STK36: variants seen among roughly 807,000 people sequenced by gnomAD.
STK36 encodes serine/threonine kinase 36.
STK36 carries 116 observed loss-of-function variants against 142.2 expected under a neutral mutation model. The ratio of observed to expected loss-of-function variants is 0.82; its 90% CI spans 0.70 to 0.95. The LOEUF (loss-of-function observed/expected upper bound fraction) is 0.95. STK36 is among the 40% of genes least tolerant of loss of function. STK36 has a pLI of 0.00. For missense variants in STK36, 1,422 were observed against 1,617.2 expected (o/e 0.88, Z 2.07); for synonymous variants, 619 against 641.7 (o/e 0.96, Z 0.53).
intron 12 of STK36, 59 bp from the exon 13 acceptor site, chr2:218,689,800 T>C: frequency 6.7e-7 from 1 of 1,502,124 alleles, no homozygotes; most frequent in East Asian, 2.4e-5. Flanking sequence ...TACTGTTTTT[T>C]CTATTCTTTG....
chr2:218,693,178 T>TA, intron 16 of STK36, 62 bp from the exon 17 acceptor site: 1 of 1,400,168 alleles, frequency 7.1e-7, no homozygotes, highest in Non-Finnish European at 1.0e-6. Flanking sequence ...ATTTTGGACA[T>TA]ATGTGAGGAA....
At chr2:218,682,908 G>GTTATGCCTCCTTAGTCTCCTTTAATC (rs1468492262) in intron 10 of STK36, among the ~76,000 whole-genome samples, 2 of 152,056 alleles carry the variant, frequency 1.3e-5, no homozygotes, top group Non-Finnish European at 2.9e-5. Context: ...GCATTTAGTT[G>GTTATGCCTCCTTAGTCTCCTTTAATC]TTATGCCTCC....
At position 218,699,046 on chromosome 2, in the gene STK36, G is replaced by C; in HGVS notation, c.3502G>C (p.Val1168Leu). ...LLGLGDKDPV[V>L]RCSASFAVGN... Reference sequence around the variant, plus strand: ...TGGGCTTGGAGACAAGGATCCTGTTGTGCGGTGCAGTGCCAGCTTTGCTGT... The same window carrying C: ...TGGGCTTGGAGACAAGGATCCTGTTCTGCGGTGCAGTGCCAGCTTTGCTGT... The change falls in exon 26 of 27, where the codon GTG becomes CTG. Residue 1168 changes from valine to leucine, a missense_variant. By Grantham distance (32) the Val-to-Leu change is conservative. Coordinates refer to ENST00000295709, the MANE Select transcript of STK36 (RefSeq NM_015690.5). The C allele has an allele frequency of 6.2e-7, 1 of 1,614,174 alleles. No homozygotes were observed. Among genetic ancestry groups the C allele is most frequent in the African/African-American group, 1.3e-5 (1 of 75,056 alleles).
At chr2:218,679,851 A>G in intron 8 of STK36, 42 bp from the exon 9 acceptor site, 1 of 1,606,438 alleles carries the variant, frequency 6.2e-7, no homozygotes, top group East Asian at 2.2e-5. Flanking sequence ...TCCTATAGCA[A>G]TCAAATAGCT....
rs371409058 is a variant in STK36 at position 218,699,050 on chromosome 2, G to C, written c.3506G>C (p.Arg1169Pro). The change falls in exon 26 of 27, where the codon CGG (arginine) becomes CCG (proline). Residue 1169 changes from arginine (R) to proline (P), a missense_variant. By Grantham distance (103) the Arg-to-Pro change is moderately radical. Transcript: ENST00000295709. ...CTTGGAGACAAGGATCCTGTTGTGC[G>C]GTGCAGTGCCAGCTTTGCTGTGGGC... ...LGLGDKDPVV[R>P]CSASFAVGNA... 8 of 1,613,966 alleles carry C rather than the reference G, an allele frequency of 5.0e-6. No homozygotes were observed. Among genetic ancestry groups the C allele is most frequent in the South Asian group, 2.2e-5 (2 of 91,080 alleles).
chr2:218,677,112 T>C (rs921541696), intron 6 of STK36, among the ~76,000 whole-genome samples: 3 of 152,136 alleles, frequency 2.0e-5, no homozygotes, highest in African/African-American at 7.2e-5. Context: ...TTTGTATTTT[T>C]AGTAGAGATG....
chr2:218,674,511 C>G (rs925485744), intron 4 of STK36, among the ~76,000 whole-genome samples: 2 of 152,192 alleles, frequency 1.3e-5, no homozygotes, highest in African/African-American at 2.4e-5. Context: ...AAGTAGGCCC[C>G]CCCTGGGATT....
intron 12 of STK36, 135 bp downstream of exon 12, chr2:218,689,011 T>G: frequency 2.1e-6 from 2 of 938,618 alleles, no homozygotes; most frequent in South Asian, 3.7e-5. Context: ...AGTAGACTAT[T>G]AATTGCAAAC....
At chr2:218,674,969 T>C (rs1940168008) in intron 4 of STK36, among the ~76,000 whole-genome samples, 1 of 152,240 alleles carries the variant, frequency 6.6e-6, no homozygotes, top group South Asian at 2.1e-4. Context: ...TTTTGTCTTA[T>C]TTAATAACAG....
At position 218,672,774 on chromosome 2, in the gene STK36, T is replaced by A; in HGVS notation, c.-56T>A. 2.5e-6 allele frequency: 4 copies of A among 1,572,530 alleles called. No individual in the cohort carries two copies. The highest frequency in any genetic ancestry group is 3.5e-6 in the Non-Finnish European group (4 of 1,142,472). The stretch of plus-strand genomic sequence containing the variant: ...GATGTTGTGGAACTGTCCCTGGATC[T>A]ATAGCTCTTCACCGTCTCTACTTTC... On this transcript the variant is annotated 5_prime_UTR_variant, in exon 2 of 27. Coordinates refer to ENST00000295709, the MANE Select transcript of STK36 (RefSeq NM_015690.5).
At chr2:218,690,602 G>A (rs374454807) in intron 14 of STK36, 47 bp downstream of exon 14, 20 of 1,442,780 alleles carry the variant, frequency 1.4e-5, no homozygotes, top group African/African-American at 9.8e-5. Context: ...ATCATTCTCC[G>A]TGTTTCTCCC....
At chr2:218,673,789 C>T (rs1940100746) in intron 3 of STK36, 24 bp downstream of exon 3, 3 of 1,613,464 alleles carry the variant, frequency 1.9e-6, no homozygotes, top group Non-Finnish European at 2.5e-6. Flanking sequence ...GTTTTGGGCC[C>T]TGTCTCCCCA....
rs759610276 is a variant in STK36, at chr2:218,673,959, A to G, written c.303+3A>G. On this transcript the variant is annotated splice_donor_region_variant and intron_variant, in intron 4 of 26. Coordinates refer to ENST00000295709, the MANE Select transcript of STK36 (RefSeq NM_015690.5). ...ACGGAAAACTTCCTGAAGACCAGGT[A>G]TGCTTTCTGCCTTCAACTTCTCCCC... 1.6e-5 allele frequency: 26 copies of G among 1,613,220 alleles called. No homozygotes were observed. In the East Asian group the frequency reaches 5.8e-4, roughly 36 times the overall value.
At chr2:218,683,054 T>C (rs1364916632) in intron 10 of STK36, among the ~76,000 whole-genome samples, 3 of 152,230 alleles carry the variant, frequency 2.0e-5, no homozygotes, top group Non-Finnish European at 2.9e-5. Flanking sequence ...AGGTTGTATA[T>C]ATTTTTGGTA....
At chr2:218,676,655 T>TTTTC (rs1188340266) in intron 6 of STK36, among the ~76,000 whole-genome samples, 1 of 131,596 alleles carries the variant, frequency 7.6e-6, no homozygotes, top group African/African-American at 4.0e-5. Context: ...TTTTTTTTCT[T>TTTTC]TTTTTTTTTT....
chr2:218,692,878 A>G (rs1181874351), intron 16 of STK36, among the ~76,000 whole-genome samples, 168 bp downstream of exon 16: 1 of 152,240 alleles, frequency 6.6e-6, no homozygotes, highest in African/African-American at 2.4e-5. Context: ...ATATAGCCAG[A>G]ATCCCAGAGC....
intron 22 of STK36, 196 bp downstream of exon 22, chr2:218,696,797 G>A: frequency 1.1e-6 from 1 of 893,012 alleles, no homozygotes; most frequent in Non-Finnish European, 1.9e-6. Flanking sequence ...CGTCCCCTGG[G>A]ATCCAGTGGG....
rs201058993 is a variant in STK36 at position 218,692,183 on chromosome 2, G to C, written c.1805G>C (p.Arg602Pro). ...VLCEAMDGNSRAISKAFYSSL... is the reference protein window; with the variant it reads ...VLCEAMDGNSPAISKAFYSSL... ...TGCGAAGCCATGGATGGGAACAGCC[G>C]GGCCATCTCCAAAGCCTTTTACTCC... is the stretch of plus-strand genomic sequence containing the variant. Residue 602 changes from arginine (R) to proline (P), a missense_variant, in exon 15 of 27, where the codon CGG (arginine) becomes CCG (proline). Physicochemically the swap from Arg to Pro is moderately radical, Grantham distance 103. Coordinates refer to ENST00000295709, the MANE Select transcript of STK36 (RefSeq NM_015690.5). The C allele has an allele frequency of 1.2e-6, 2 of 1,614,136 alleles. No homozygotes were observed. Among genetic ancestry groups the C allele is most frequent in the South Asian group, 1.1e-5 (1 of 91,076 alleles).
intron 22 of STK36, 39 bp downstream of exon 22, chr2:218,696,640 G>A: frequency 6.2e-6 from 10 of 1,602,570 alleles, no homozygotes; most frequent in Non-Finnish European, 8.6e-6. Context: ...AGTAAAGAGA[G>A]AGGAACTGGG....
Sources: gnomAD v4.1 joint callset for allele counts (sites outside exome capture counted in the v4.1 genomes callset) on GRCh38, gnomAD v4.1.1 for gene constraint, MANE v1.5 for transcripts, NCBI Gene and HGNC (gene_info 2026-07-23, HGNC 2026-07-21) for gene names.